The following ADTRP variants were observed in gnomAD, a reference collection of about 807,000 sequenced individuals.
The protein encoded by ADTRP is androgen-dependent TFPI-regulating protein.
Under a neutral mutation model 27.0 loss-of-function variants are expected in ADTRP, and 20 were observed. The observed-to-expected ratio is 0.74, with a 90% CI of 0.52 to 1.08. ADTRP has a LOEUF of 1.08. Ranked by LOEUF, ADTRP falls within the 50% of genes least tolerant of loss-of-function variation. The pLI, the probability that ADTRP is intolerant of heterozygous loss-of-function variation, is 0.00. For missense variants in ADTRP, 251 were observed against 275.0 expected (o/e 0.91, Z 0.62); for synonymous variants, 101 against 105.2 (o/e 0.96, Z 0.25).
chr6:11,775,240 CT>C (rs1763915050), intron 1 of ADTRP, among the ~76,000 whole-genome samples: 1 of 152,116 alleles, frequency 6.6e-6, no homozygotes, highest in African/African-American at 2.4e-5. Context: ...CCTGCATCAC[CT>C]TCTCTACCCA....
intron 3 of ADTRP, among the ~76,000 whole-genome samples, chr6:11,763,816 ATATACT>A (rs1219812660): frequency 6.6e-6 from 1 of 152,252 alleles, no homozygotes; most frequent in Admixed American, 6.5e-5. Context: ...CAGAGATGAG[ATATACT>A]TATTAGGACA....
intron 4 of ADTRP, among the ~76,000 whole-genome samples, chr6:11,731,549 GTC>G (rs948657108): frequency 6.6e-6 from 1 of 152,146 alleles, no homozygotes; most frequent in African/African-American, 2.4e-5. Context: ...TCACAAACAG[GTC>G]CAGCAAAGAG....
chr6:11,733,473 C>G (rs1762450683), intron 4 of ADTRP, among the ~76,000 whole-genome samples: 1 of 152,182 alleles, frequency 6.6e-6, no homozygotes, highest in South Asian at 2.1e-4. Flanking sequence ...TTTTCCATGT[C>G]TCTTTTGACC....
chr6:11,752,427 G>A (rs1250156926), intron 3 of ADTRP, among the ~76,000 whole-genome samples: 1 of 152,106 alleles, frequency 6.6e-6, no homozygotes, highest in African/African-American at 2.4e-5. Flanking sequence ...TAAGGTCATG[G>A]ATCAACAGGG....
intron 3 of ADTRP, among the ~76,000 whole-genome samples, chr6:11,759,511 A>G (rs955999610): frequency 2.6e-5 from 4 of 152,122 alleles, no homozygotes; most frequent in African/African-American, 9.7e-5. Flanking sequence ...TTTTTTAAAA[A>G]AGAAAATACT....
At chr6:11,774,868 AGG>A (rs1455078584) in intron 1 of ADTRP, among the ~76,000 whole-genome samples, 1 of 152,218 alleles carries the variant, frequency 6.6e-6, no homozygotes, top group Non-Finnish European at 1.5e-5. Flanking sequence ...ACAGAGAGCA[AGG>A]GACATAGCAT....
At chr6:11,746,661 G>A (rs558102298) in intron 3 of ADTRP, among the ~76,000 whole-genome samples, 137 of 152,324 alleles carry the variant, frequency 9.0e-4, no homozygotes, top group African/African-American at 3.2e-3. Flanking sequence ...CAGAGGTAAG[G>A]AAAAGAGGGA....
intron 5 of ADTRP, among the ~76,000 whole-genome samples, chr6:11,719,264 T>G (rs1273361315): frequency 6.6e-6 from 1 of 152,156 alleles, no homozygotes; most frequent in African/African-American, 2.4e-5. Flanking sequence ...AATCTCAAAC[T>G]GCACCCCAGA....
intron 3 of ADTRP, among the ~76,000 whole-genome samples, chr6:11,738,294 T>G (rs539629251): frequency 7.1e-4 from 108 of 152,274 alleles, no homozygotes; most frequent in African/African-American, 2.5e-3. Flanking sequence ...TGGAGTATGG[T>G]TGTCCCTGGG....
chr6:11,777,167 G>A lies in ADTRP; in HGVS notation c.153+1440C>T, dbSNP rs192298615. ...TAGGAAATGATAGTATCATTGACAA[G>A]ATAAGAGACTTTTCTCACTCTTGGA... On this transcript the variant is annotated intron_variant, in intron 1 of 5. Transcript: ENST00000414691. 9.9e-4 allele frequency among the ~76,000 whole-genome samples: 150 copies of A among 152,250 alleles called. 2 individuals carry two copies. Among genetic ancestry groups the A allele is most frequent in the African/African-American group, 3.6e-3 (148 of 41,550 alleles).
chr6:11,770,606 G>A (rs149830629), intron 1 of ADTRP, among the ~76,000 whole-genome samples: 1 of 152,062 alleles, frequency 6.6e-6, no homozygotes, highest in Non-Finnish European at 1.5e-5. Flanking sequence ...AGGAGCTTTC[G>A]AACCAGAAAG....
intron 4 of ADTRP, among the ~76,000 whole-genome samples, chr6:11,730,605 G>C (rs574969934): frequency 6.6e-6 from 1 of 152,286 alleles, no homozygotes; most frequent in African/African-American, 2.4e-5. Flanking sequence ...TTGTAAATGA[G>C]GCATGAATTT....
intron 3 of ADTRP, among the ~76,000 whole-genome samples, chr6:11,737,878 A>G (rs903499987): frequency 6.6e-6 from 1 of 152,168 alleles, no homozygotes; most frequent in South Asian, 2.1e-4. Flanking sequence ...CGCACCTTGC[A>G]TATTTCTTCA....
chr6:11,773,436 G>A (rs568903419), intron 1 of ADTRP, among the ~76,000 whole-genome samples: 159 of 152,330 alleles, frequency 1.0e-3, no homozygotes, highest in South Asian at 1.9e-3. Flanking sequence ...CAGTTGCATG[G>A]AATCAGCTGA....
chr6:11,778,725 A>C lies in ADTRP; in HGVS notation c.35T>G (p.Leu12Arg). 5 of 1,614,218 alleles carry C rather than the reference A, an allele frequency of 3.1e-6. No homozygotes were observed. Among genetic ancestry groups the C allele is most frequent in the Non-Finnish European group, 4.2e-6 (5 of 1,180,036 alleles). The stretch of plus-strand genomic sequence containing the variant: ...GAGGAAAGTATACCAGCTCAGAACA[A>C]GGAAGTGGTATATGCATGTAGAAGT... ...TKTSTCIYHFLVLSWYTFLNY... is the reference protein window; with the variant it reads ...TKTSTCIYHFRVLSWYTFLNY... Residue 12 changes from leucine to arginine, a missense_variant, in exon 1 of 6, where the codon CTT (leucine) becomes CGT (arginine). Coordinates refer to ENST00000414691, the MANE Select transcript of ADTRP (RefSeq NM_032744.4).
chr6:11,729,154 C>T (rs185733632), intron 4 of ADTRP, among the ~76,000 whole-genome samples: 12 of 152,218 alleles, frequency 7.9e-5, no homozygotes, highest in Admixed American at 2.6e-4. Context: ...AAACAGATAA[C>T]GGAGTTTTGT....
intron 4 of ADTRP, among the ~76,000 whole-genome samples, chr6:11,728,165 T>A (rs1312498205): frequency 6.6e-6 from 1 of 152,190 alleles, no homozygotes; most frequent in Non-Finnish European, 1.5e-5. Flanking sequence ...CCTCCTTCAT[T>A]CCATTTGGGT....
intron 4 of ADTRP, among the ~76,000 whole-genome samples, chr6:11,733,377 G>C (rs552180909): frequency 6.6e-6 from 1 of 152,182 alleles, no homozygotes; most frequent in African/African-American, 2.4e-5. Flanking sequence ...GTGGATTTAC[G>C]ACCTGGCTTT....
chr6:11,751,525 C>T (rs571136659), intron 3 of ADTRP, among the ~76,000 whole-genome samples: 1 of 152,204 alleles, frequency 6.6e-6, no homozygotes, highest in African/African-American at 2.4e-5. Flanking sequence ...CCCCCCAACA[C>T]TCCAACAGGA....
Sources: gnomAD v4.1 joint callset for allele counts (sites outside exome capture counted in the v4.1 genomes callset) on GRCh38, gnomAD v4.1.1 for gene constraint, MANE v1.5 for transcripts, NCBI Gene and HGNC (gene_info 2026-07-23, HGNC 2026-07-21) for gene names.